The following CACNA2D1 variants were observed in gnomAD, a reference collection of about 807,000 sequenced individuals.
The protein encoded by CACNA2D1 is calcium voltage-gated channel auxiliary subunit alpha2delta 1, also known as voltage-dependent calcium channel subunit alpha-2/delta-1.
A neutral mutation model predicts 171.5 loss-of-function variants in CACNA2D1; 53 were observed. The ratio of observed to expected loss-of-function variants is 0.31; its 90% CI spans 0.25 to 0.39. The LOEUF (loss-of-function observed/expected upper bound fraction) is 0.39. Among genes scored for constraint, CACNA2D1 ranks in the 10% least tolerant of loss-of-function variants. The pLI, the probability that CACNA2D1 is intolerant of heterozygous loss-of-function variation, is 1.00. For synonymous variants in CACNA2D1, 442 were observed against 443.1 expected (o/e 1.00, Z 0.03); for missense variants, 903 against 1,299.8 (o/e 0.69, Z 4.69).
intron 1 of CACNA2D1, among the ~76,000 whole-genome samples, chr7:82,373,225 G>T (rs1822619556): frequency 6.6e-6 from 1 of 152,088 alleles, no homozygotes; most frequent in Non-Finnish European, 1.5e-5. Context: ...GAATTATCAG[G>T]TTCTACCTAG....
At chr7:82,278,562 A>AAAG (rs1554493562) in intron 3 of CACNA2D1, among the ~76,000 whole-genome samples, 1 of 150,306 alleles carries the variant, frequency 6.7e-6, no homozygotes, top group Non-Finnish European at 1.5e-5. Flanking sequence ...TGTCTTAAAA[A>AAAG]AAAAAAAAAA....
intron 3 of CACNA2D1, among the ~76,000 whole-genome samples, chr7:82,217,859 ATTT>A (rs199938027): frequency 1.4e-5 from 2 of 145,394 alleles, no homozygotes; most frequent in Non-Finnish European, 3.0e-5. Flanking sequence ...ATGTACTGAA[ATTT>A]TTTTTTTTTA....
intron 3 of CACNA2D1, among the ~76,000 whole-genome samples, chr7:82,321,697 C>G (rs2041047): frequency 6.6e-6 from 1 of 151,904 alleles, no homozygotes; most frequent in Non-Finnish European, 1.5e-5. Context: ...TCCCCAACGC[C>G]CCCCATGCAC....
intron 1 of CACNA2D1, among the ~76,000 whole-genome samples, chr7:82,358,008 G>A (rs1820659626): frequency 6.6e-6 from 1 of 152,066 alleles, no homozygotes; most frequent in Admixed American, 6.6e-5. Flanking sequence ...ATTTTTAACC[G>A]AAGCAAATAA....
chr7:82,095,181 G>A (rs1207989441), intron 6 of CACNA2D1, among the ~76,000 whole-genome samples: 1 of 152,000 alleles, frequency 6.6e-6, no homozygotes. Flanking sequence ...TCTGGACTGA[G>A]TTTTTTCCTA....
chr7:82,013,251 T>G (rs2130938014), intron 14 of CACNA2D1, among the ~76,000 whole-genome samples: 1 of 152,088 alleles, frequency 6.6e-6, no homozygotes, highest in African/African-American at 2.4e-5. Context: ...ATATACTCAT[T>G]TTATTAACCT....
intron 12 of CACNA2D1, among the ~76,000 whole-genome samples, chr7:82,026,026 A>T (rs1584461106): frequency 6.8e-6 from 1 of 146,128 alleles, no homozygotes; most frequent in Non-Finnish European, 1.5e-5. Context: ...ATTATATAAC[A>T]TCCTTCTTTG....
At chr7:82,071,157 A>G (rs1004098296) in intron 7 of CACNA2D1, among the ~76,000 whole-genome samples, 1 of 152,158 alleles carries the variant, frequency 6.6e-6, no homozygotes, top group African/African-American at 2.4e-5. Context: ...TGGGCTCTAA[A>G]CCTGCACCAG....
At position 82,012,146 on chromosome 7, in the gene CACNA2D1, C is replaced by A; in HGVS notation, c.1362+8G>T. The A allele has an allele frequency of 1.3e-6, 2 of 1,511,504 alleles. No homozygotes were observed. The highest frequency in any genetic ancestry group is 9.2e-7 in the Non-Finnish European group (1 of 1,087,056). 93.6% of individuals were successfully genotyped at this position (1,511,504 alleles called of 1,614,324 possible). A position where few individuals can be genotyped will look rare whatever the true frequency, so the allele number is the denominator to read the frequency against. On this transcript the variant is annotated splice_region_variant and intron_variant, in intron 15 of 38. Coordinates refer to ENST00000356860, the MANE Select transcript of CACNA2D1 (RefSeq NM_000722.4). Reference sequence around the variant, plus strand: ...GACAGTCTTTGACTGAATAGCTCAACCTCTTACCAATGCATCCAGGTACAC... The same window carrying A: ...GACAGTCTTTGACTGAATAGCTCAAACTCTTACCAATGCATCCAGGTACAC...
intron 3 of CACNA2D1, among the ~76,000 whole-genome samples, chr7:82,255,526 T>C (rs1231280040): frequency 6.6e-6 from 1 of 152,092 alleles, no homozygotes; most frequent in Non-Finnish European, 1.5e-5. Flanking sequence ...TACAAGAAAA[T>C]TCATTCCCTT....
chr7:82,438,090 C>T (rs1215509326), intron 1 of CACNA2D1, among the ~76,000 whole-genome samples: 1 of 152,160 alleles, frequency 6.6e-6, no homozygotes, highest in East Asian at 1.9e-4. Context: ...GTTAGTAACC[C>T]GTCTCTATAG....
rs563779489 is a variant in CACNA2D1 at position 82,316,813 on chromosome 7, C to T, written c.294+18322G>A. ...CAAGAGAGATTGTGCAGGAGAACTC[C>T]CATTTATAAAACCATCAGATCTTGT... On this transcript the variant is annotated intron_variant, in intron 3 of 38. Transcript: ENST00000356860. Among the ~76,000 whole-genome samples, 6 of 152,190 alleles carry T rather than the reference C, an allele frequency of 3.9e-5. No homozygotes were observed. In the South Asian group the frequency reaches 1.0e-3, roughly 26 times the overall value.
intron 1 of CACNA2D1, among the ~76,000 whole-genome samples, chr7:82,379,769 AAG>A (rs370248043): frequency 6.6e-6 from 1 of 152,292 alleles, no homozygotes; most frequent in East Asian, 1.9e-4. Context: ...TTTCACTGTA[AAG>A]AGTGCCAACT....
intron 1 of CACNA2D1, among the ~76,000 whole-genome samples, chr7:82,384,071 T>A (rs1459211134): frequency 1.3e-5 from 2 of 152,156 alleles, no homozygotes; most frequent in Non-Finnish European, 2.9e-5. Context: ...AAAAACTACC[T>A]CCTTTTCGGT....
intron 7 of CACNA2D1, among the ~76,000 whole-genome samples, chr7:82,077,703 A>T (rs991753369): frequency 3.3e-5 from 5 of 150,288 alleles, no homozygotes. Flanking sequence ...TTATATAATG[A>T]TCAACAACTA....
In CACNA2D1 at chr7:82,370,572, T is replaced by TGGATGGAC. The variant is rs1554528685; in HGVS notation, c.96-20924_96-20923insGTCCATCC. Among the ~76,000 whole-genome samples, 134 of 151,164 alleles carry TGGATGGAC rather than the reference T, an allele frequency of 8.9e-4. No homozygotes were observed. The Middle Eastern group carries it at 0.014, about 15-fold the overall frequency. Reference sequence around the variant, plus strand: ...AGGGATGGATGGATGGATGGATGGATGGATGGATAGAAATAGAGATATACA... The same window carrying TGGATGGAC: ...AGGGATGGATGGATGGATGGATGGATGGATGGACGGATGGATAGAAATAGAGATATACA... On this transcript the variant is annotated intron_variant, in intron 1 of 38. Coordinates refer to ENST00000356860, the MANE Select transcript of CACNA2D1 (RefSeq NM_000722.4).
chr7:82,408,739 T>C (rs1827333883), intron 1 of CACNA2D1, among the ~76,000 whole-genome samples: 2 of 152,318 alleles, frequency 1.3e-5, no homozygotes, highest in East Asian at 1.9e-4. Context: ...TATTCCATTC[T>C]GTAAGTCAAA....
intron 1 of CACNA2D1, among the ~76,000 whole-genome samples, chr7:82,356,871 G>T (rs1055519635): frequency 2.0e-5 from 3 of 151,984 alleles, no homozygotes; most frequent in Admixed American, 1.3e-4. Context: ...TATTTTGTGT[G>T]TATTAATTGT....
chr7:82,042,379 A>G (rs948637770), intron 10 of CACNA2D1, among the ~76,000 whole-genome samples: 21 of 152,184 alleles, frequency 1.4e-4, no homozygotes, highest in African/African-American at 5.1e-4. Flanking sequence ...GTAATAGCAA[A>G]TATATTACAG....
Sources: gnomAD v4.1 joint callset for allele counts (sites outside exome capture counted in the v4.1 genomes callset) on GRCh38, gnomAD v4.1.1 for gene constraint, MANE v1.5 for transcripts, NCBI Gene and HGNC (gene_info 2026-07-23, HGNC 2026-07-21) for gene names.